The following MYH7 variants were observed in gnomAD, a reference collection of about 807,000 sequenced individuals.
MYH7 encodes myosin-7.
A neutral mutation model predicts 225.4 loss-of-function variants in MYH7; 129 were observed. That is an observed-to-expected ratio of 0.57 (90% CI 0.50 to 0.66). MYH7 has a LOEUF of 0.66. Among genes scored for constraint, MYH7 ranks in the 30% least tolerant of loss-of-function variants. The probability of loss-of-function intolerance (pLI) is 0.00; values close to 1 mark genes in which losing one functional copy is unlikely to be tolerated. For missense variants in MYH7, 1,649 were observed against 2,517.0 expected, an observed-to-expected ratio of 0.66 and a Z score of 7.38; for synonymous variants, 971 against 1,007.6, an observed-to-expected ratio of 0.96 and a Z score of 0.69.
At chr14:23,414,961 C>G in intron 37 of MYH7, 34 bp downstream of exon 37, 1 of 1,602,562 alleles carries the variant, frequency 6.2e-7, no homozygotes, top group Non-Finnish European at 8.5e-7. Flanking sequence ...GGCTATGGTG[C>G]CAGGGCTCTG....
Position 23,433,535 on chromosome 14 carries a change from G to C in MYH7, c.198C>G (p.Gly66=), listed in dbSNP as rs1385090050. Residue 66 remains glycine, a synonymous_variant, in exon 3 of 40, where the codon GGC becomes GGG. Transcript: ENST00000355349. The surrounding 1 kb of genome is among the most constrained non-coding windows in gnomAD (Gnocchi z 4.1). ...GGKVTAETEY[G]KTVTVKEDQV... is the part of the protein sequence containing the mutation. The stretch of plus-strand genomic sequence containing the variant: ...CTCACATCAGCCTGACACCCACCTT[G>C]CCATACTCGGTCTCGGCAGTGACTT... 1 of 1,613,850 alleles carries C rather than the reference G, an allele frequency of 6.2e-7. No homozygotes were observed. The highest frequency in any genetic ancestry group is 1.7e-4 in the Middle Eastern group (1 of 5,934).
chr14:23,428,815 C>T (rs1055941247), intron 14 of MYH7, 140 bp downstream of exon 14: 6 of 1,573,334 alleles, frequency 3.8e-6, no homozygotes, highest in Non-Finnish European at 5.2e-6. Flanking sequence ...CCCCTGAAGA[C>T]AGAGAAAATG....
intron 10 of MYH7, 63 bp from the exon 11 acceptor site, chr14:23,430,726 C>G (rs995048002): frequency 1.4e-6 from 2 of 1,443,178 alleles, no homozygotes; most frequent in Non-Finnish European, 2.0e-6. Context: ...GGCTGCTCGC[C>G]ACAGCACATG....
chr14:23,421,116 G>A, intron 25 of MYH7, 68 bp from the exon 26 acceptor site: 2 of 1,133,160 alleles, frequency 1.8e-6, no homozygotes, highest in Non-Finnish European at 2.7e-6. Context: ...ACCAGTGGTT[G>A]AAAATGGTAA....
rs1555336564 is a variant in MYH7, at chr14:23,416,861, C to G, written c.4644+7G>C. 1.9e-6 allele frequency: 3 copies of G among 1,613,974 alleles called. No homozygotes were observed. The African/African-American group carries it at 4.0e-5, about 22-fold the overall frequency. On this transcript the variant is annotated splice_region_variant and intron_variant, in intron 33 of 39. Coordinates refer to ENST00000355349, the MANE Select transcript of MYH7 (RefSeq NM_000257.4). ...CCCTGCACCCCGTGCCCTGCACACA[C>G]ACACACCTCGGCCTCCTCCAGGGCT... is the stretch of plus-strand genomic sequence containing the variant.
intron 31 of MYH7, 72 bp from the exon 32 acceptor site, chr14:23,417,390 GC>G (rs975578330): frequency 2.5e-6 from 4 of 1,611,484 alleles, no homozygotes; most frequent in Non-Finnish European, 3.4e-6. Context: ...CTCAGGACCT[GC>G]CTGGGCTCAG....
At chr14:23,414,897 C>T (rs1434881774) in intron 37 of MYH7, 98 bp downstream of exon 37, 11 of 1,588,346 alleles carry the variant, frequency 6.9e-6, no homozygotes, top group Admixed American at 1.7e-5. Context: ...CCCATCCTCG[C>T]CCTGGAAGAG....
Position 23,427,585 on chromosome 14 carries a change from G to C in MYH7, c.1888C>G (p.Pro630Ala). The change falls in exon 16 of 40, where the codon CCT becomes GCT. Residue 630 changes from proline to alanine, a missense_variant and splice_region_variant. Coordinates refer to ENST00000355349, the MANE Select transcript of MYH7 (RefSeq NM_000257.4). ...LFANYAGADA[P>A]IEKGKGKAKK... ...ACCGGGAGCCTCAGTCCCTACTTACGCGCATCAGCCCCAGCATAGTTGGCA... is the reference window on the plus strand; with the variant it reads ...ACCGGGAGCCTCAGTCCCTACTTACCCGCATCAGCCCCAGCATAGTTGGCA... 3.1e-6 allele frequency: 5 copies of C among 1,613,964 alleles called. No homozygotes were observed. Among genetic ancestry groups the C allele is most frequent in the East Asian group, 2.2e-5 (1 of 44,890 alleles).
In MYH7 at chr14:23,422,575, CTTTCTTTCTT is replaced by C. The variant is rs1439461186; in HGVS notation, c.3100-260_3100-251del. Among the ~76,000 whole-genome samples, 292 of 97,506 alleles carry C rather than the reference CTTTCTTTCTT, an allele frequency of 3.0e-3. No homozygotes were observed. The highest frequency in any genetic ancestry group is 0.016 in the African/African-American group (274 of 17,350). 64.0% of individuals were successfully genotyped at this position (97,506 alleles called of 152,430 possible). ...AAAGCCGTATTCTTTCTTTCTTTCCCTTTCTTTCTTTCTTTCTTTCTCTCCTTTCTTTCTC... is the reference window on the plus strand; with the variant it reads ...AAAGCCGTATTCTTTCTTTCTTTCCCTCTTTCTTTCTCTCCTTTCTTTCTC... On this transcript the variant is annotated intron_variant, in intron 24 of 39. Transcript: ENST00000355349.
chr14:23,417,775 C>T (rs1049566343), intron 30 of MYH7, 89 bp from the exon 31 acceptor site: 2 of 1,513,926 alleles, frequency 1.3e-6, no homozygotes, highest in Admixed American at 3.7e-5. Context: ...CAAAGACAAT[C>T]CTTGAAACCT....
chr14:23,419,760 G>T (rs781669999), intron 27 of MYH7, 85 bp downstream of exon 27: 2 of 1,613,318 alleles, frequency 1.2e-6, no homozygotes, highest in Non-Finnish European at 1.7e-6. Flanking sequence ...GTGGGAAAAT[G>T]AACCATGAAG....
chr14:23,433,257 T>C lies in MYH7; in HGVS notation c.202-30A>G, dbSNP rs1246796374. The C allele has an allele frequency of 3.1e-6, 5 of 1,614,090 alleles. No individual in the cohort carries two copies. The highest frequency in any genetic ancestry group is 3.4e-6 in the Non-Finnish European group (4 of 1,180,006). On this transcript the variant is annotated intron_variant, in intron 3 of 39. Transcript: ENST00000355349. The surrounding 1 kb of genome is among the most constrained non-coding windows in gnomAD (Gnocchi z 4.1). ...AAGAGCCCCCACCCAAGCCCTCCTG[T>C]CAGCCTGGGCTTTCCCTCCTTCCTC...
chr14:23,418,460 C>T, intron 29 of MYH7, 54 bp from the exon 30 acceptor site: 1 of 1,534,906 alleles, frequency 6.5e-7, no homozygotes, highest in Non-Finnish European at 8.7e-7. Context: ...TAAAGCAACC[C>T]CACCCTTGCC....
At chr14:23,422,593 TTCTC>T (rs869271440) in intron 24 of MYH7, among the ~76,000 whole-genome samples, 1 of 114,418 alleles carries the variant, frequency 8.7e-6, no homozygotes, top group Non-Finnish European at 1.7e-5. Context: ...CTTTCTTTCT[TTCTC>T]TCCTTTCTTT....
intron 6 of MYH7, 146 bp from the exon 7 acceptor site, chr14:23,432,015 G>C: frequency 3.7e-6 from 3 of 818,760 alleles, no homozygotes; most frequent in South Asian, 2.9e-5. Context: ...ATCCACAACT[G>C]TCTTCTGATG....
chr14:23,417,115 G>A (rs1290550859), intron 32 of MYH7, 38 bp downstream of exon 32: 34 of 1,614,036 alleles, frequency 2.1e-5, no homozygotes, highest in Non-Finnish European at 2.6e-5. Context: ...AACACTGCCA[G>A]TGCAGCCCCT....
In MYH7 at chr14:23,415,472, T is replaced by A. The variant is rs397516240; in HGVS notation, c.5192A>T (p.Asp1731Val). 2.5e-6 allele frequency: 4 copies of A among 1,614,244 alleles called. No individual in the cohort carries two copies. Among genetic ancestry groups the A allele is most frequent in the Non-Finnish European group, 3.4e-6 (4 of 1,180,056 alleles). ...AGTCTGGAGCTGGGACAGGTCAGCATCCATCTTCTTCTTCTGGTTGATGAG... is the reference window on the plus strand; with the variant it reads ...AGTCTGGAGCTGGGACAGGTCAGCAACCATCTTCTTCTTCTGGTTGATGAG... ...TSLINQKKKM[D>V]ADLSQLQTEV... Residue 1731 changes from aspartate (D) to valine (V), a missense_variant, in exon 36 of 40, where the codon GAT (aspartate) becomes GTT (valine). Around this residue, in one of 12 missense-constraint regions of MYH7, gnomAD observed 687 missense variants for 913.8 expected, o/e 0.75. Coordinates refer to ENST00000355349, the MANE Select transcript of MYH7 (RefSeq NM_000257.4). The surrounding 1 kb of genome is among the most constrained non-coding windows in gnomAD (Gnocchi z 6.3).
At chr14:23,431,502 G>C (rs1216970261) in intron 8 of MYH7, 21 bp from the exon 9 acceptor site, 1 of 1,613,962 alleles carries the variant, frequency 6.2e-7, no homozygotes, top group African/African-American at 1.3e-5. Flanking sequence ...GGAAGAGAGT[G>C]GTGATGAGTT....
intron 6 of MYH7, 45 bp from the exon 7 acceptor site, chr14:23,431,914 G>C (rs2138682686): frequency 6.3e-7 from 1 of 1,586,424 alleles, no homozygotes; most frequent in South Asian, 1.1e-5. Flanking sequence ...TACTACTGGA[G>C]ACCAGCAAGC....
Sources: gnomAD v4.1 joint callset for allele counts (sites outside exome capture counted in the v4.1 genomes callset) on GRCh38, gnomAD v4.1.1 for gene constraint, gnomAD v4.1.1 regional missense constraint, Gnocchi (gnomAD v3.1) non-coding constraint, MANE v1.5 for transcripts, NCBI Gene and HGNC (gene_info 2026-07-23, HGNC 2026-07-21) for gene names.